PIK3C2G: variants seen among roughly 807,000 people sequenced by gnomAD.
PIK3C2G encodes phosphatidylinositol-4-phosphate 3-kinase catalytic subunit type 2 gamma.
PIK3C2G carries 168 observed loss-of-function variants against 181.1 expected under a neutral mutation model. The ratio of observed to expected loss-of-function variants is 0.93; its 90% confidence interval spans 0.82 to 1.05. The LOEUF (loss-of-function observed/expected upper bound fraction) is 1.05. Among genes scored for constraint, PIK3C2G ranks in the 50% least tolerant of loss-of-function variants. The pLI is 0.00. For synonymous variants in PIK3C2G, 573 were observed against 592.2 expected (o/e 0.97, Z 0.47); for missense variants, 1,869 against 1,732.8 (o/e 1.08, Z -1.40).
chr12:18,483,853 A>T (rs1939786135), intron 18 of PIK3C2G, among the ~76,000 whole-genome samples: 1 of 152,204 alleles, frequency 6.6e-6, no homozygotes, highest in African/African-American at 2.4e-5. Context: ...TTTCTCATTC[A>T]TGTAGGACTC....
intron 14 of PIK3C2G, among the ~76,000 whole-genome samples, chr12:18,383,590 A>G (rs530953474): frequency 6.6e-6 from 1 of 152,354 alleles, no homozygotes; most frequent in South Asian, 2.1e-4. Flanking sequence ...AAGAGTTGGC[A>G]GTTTCAAAAT....
chr12:18,458,135 A>G (rs1425191929), intron 18 of PIK3C2G, among the ~76,000 whole-genome samples: 1 of 152,186 alleles, frequency 6.6e-6, no homozygotes, highest in Non-Finnish European at 1.5e-5. Context: ...AAGCTAGGTT[A>G]GTTTTATAGA....
chr12:18,669,161 TG>T, the PIK3C2G span, among the ~76,000 whole-genome samples: 445 of 152,302 alleles, frequency 2.9e-3, 2 homozygotes, highest in African/African-American at 9.9e-3. Context: ...ATTCCTCTGA[TG>T]GGAAACTAAA....
intron 24 of PIK3C2G, among the ~76,000 whole-genome samples, chr12:18,522,610 T>C (rs1942990333): frequency 6.6e-6 from 1 of 151,974 alleles, no homozygotes; most frequent in African/African-American, 2.4e-5. Context: ...TTTAAAGTCA[T>C]ATTTGTAGTC....
At chr12:18,357,377 T>C (rs1057115780) in intron 11 of PIK3C2G, among the ~76,000 whole-genome samples, 1 of 152,160 alleles carries the variant, frequency 6.6e-6, no homozygotes, top group Non-Finnish European at 1.5e-5. Context: ...GTTAAAAATA[T>C]TCAAACACAG....
At chr12:18,400,943 G>T (rs980068541) in intron 16 of PIK3C2G, among the ~76,000 whole-genome samples, 4 of 151,858 alleles carry the variant, frequency 2.6e-5, no homozygotes, top group Non-Finnish European at 5.9e-5. Flanking sequence ...AAGCCTTCTT[G>T]TGTGGGGTCT....
chr12:18,638,590 A>C (rs1358548734), intron 31 of PIK3C2G, among the ~76,000 whole-genome samples: 2 of 152,160 alleles, frequency 1.3e-5, no homozygotes, highest in South Asian at 2.1e-4. Flanking sequence ...ACAGGAGATA[A>C]GGGTCTCCTT....
chr12:18,670,425 A>G, the PIK3C2G span, among the ~76,000 whole-genome samples: 1 of 152,086 alleles, frequency 6.6e-6, no homozygotes, highest in Non-Finnish European at 1.5e-5. Flanking sequence ...TCCTTTTTAA[A>G]GGGGAGCAAA....
chr12:18,623,074 A>G (rs1016459167), intron 31 of PIK3C2G, among the ~76,000 whole-genome samples: 3 of 151,396 alleles, frequency 2.0e-5, no homozygotes, highest in African/African-American at 2.4e-5. Context: ...CTATCTTTGC[A>G]TTTGTTGTCT....
intron 1 of PIK3C2G, among the ~76,000 whole-genome samples, chr12:18,271,770 A>G (rs1460065123): frequency 6.6e-6 from 1 of 152,202 alleles, no homozygotes; most frequent in Non-Finnish European, 1.5e-5. Context: ...ACCATAAGAT[A>G]TGTCACCTCA....
the PIK3C2G span, among the ~76,000 whole-genome samples, chr12:18,659,087 G>A: frequency 2.6e-5 from 4 of 151,978 alleles, no homozygotes; most frequent in Admixed American, 2.0e-4. Flanking sequence ...GAAACAGTAG[G>A]GCAGAAGGGA....
the PIK3C2G span, among the ~76,000 whole-genome samples, chr12:18,689,201 C>T: frequency 6.6e-6 from 1 of 152,104 alleles, no homozygotes; most frequent in African/African-American, 2.4e-5. Flanking sequence ...ACTATAGACC[C>T]GCTAAATATC....
In PIK3C2G at chr12:18,594,490, T is replaced by G; in HGVS notation, c.4012-4T>G. On this transcript the variant is annotated splice_region_variant and splice_polypyrimidine_tract_variant and intron_variant, in intron 29 of 32. Coordinates refer to ENST00000538779, the MANE Select transcript of PIK3C2G (RefSeq NM_001288772.2). ...GAAATATTATGTTTCATTTTGTTTT[T>G]CAGAGTGATTGTGTACTTAGCTTTT... is the stretch of plus-strand genomic sequence containing the variant. 1 of 1,530,336 alleles carries G rather than the reference T, an allele frequency of 6.5e-7. No homozygotes were observed. 94.8% of individuals were successfully genotyped at this position (1,530,336 alleles called of 1,614,324 possible). A position where few individuals can be genotyped will look rare whatever the true frequency, so the allele number is the denominator to read the frequency against.
At chr12:18,283,263 G>A (rs2137131506) in intron 2 of PIK3C2G, among the ~76,000 whole-genome samples, 1 of 152,216 alleles carries the variant, frequency 6.6e-6, no homozygotes, top group South Asian at 2.1e-4. Context: ...CCAAGGGTAG[G>A]AAATTAAGTA....
chr12:18,333,156 C>T (rs940722370), intron 8 of PIK3C2G, among the ~76,000 whole-genome samples: 4 of 152,134 alleles, frequency 2.6e-5, no homozygotes, highest in African/African-American at 9.7e-5. Context: ...GCAGTTTTCA[C>T]TGTGTAGTTT....
intron 2 of PIK3C2G, chr12:18,285,265 A>G (rs1403858513): frequency 6.6e-6 from 1 of 152,150 alleles, no homozygotes; most frequent in Non-Finnish European, 1.5e-5. Flanking sequence ...ATATCCACTG[A>G]GTATAAGTTT....
rs563985377 is a variant in PIK3C2G at position 18,634,862 on chromosome 12, T to A, written c.4183-5567T>A. 2.6e-5 allele frequency among the ~76,000 whole-genome samples: 4 copies of A among 152,244 alleles called. No individual in the cohort carries two copies. The East Asian group carries it at 7.7e-4, about 29-fold the overall frequency. ...TGAGCATTCACATGGGATGTGAATATCTTCACTTTTTTTTTGCCCATTTAG... is the reference window on the plus strand; with the variant it reads ...TGAGCATTCACATGGGATGTGAATAACTTCACTTTTTTTTTGCCCATTTAG... On this transcript the variant is annotated intron_variant, in intron 31 of 32. Transcript: ENST00000538779.
chr12:18,536,784 T>A (rs1474492748), intron 24 of PIK3C2G, among the ~76,000 whole-genome samples: 1 of 152,056 alleles, frequency 6.6e-6, no homozygotes, highest in Admixed American at 6.6e-5. Context: ...AGAATATAGG[T>A]TGGATAAGTC....
chr12:18,665,259 A>G, the PIK3C2G span, among the ~76,000 whole-genome samples: 2 of 152,056 alleles, frequency 1.3e-5, no homozygotes, highest in Non-Finnish European at 2.9e-5. Context: ...TTTAAAGGGT[A>G]TATAGACTTT....
Sources: gnomAD v4.1 joint callset for allele counts (sites outside exome capture counted in the v4.1 genomes callset) on GRCh38, gnomAD v4.1.1 for gene constraint, MANE v1.5 for transcripts, NCBI Gene and HGNC (gene_info 2026-07-23, HGNC 2026-07-21) for gene names.